STK3: variants seen among roughly 807,000 people sequenced by gnomAD.
STK3 encodes the protein serine/threonine-protein kinase 3.
STK3 carries 41 observed loss-of-function variants against 58.0 expected under a neutral mutation model. The observed-to-expected ratio is 0.71, with a 90% CI of 0.55 to 0.92. The LOEUF is 0.92. Ranked by LOEUF, STK3 falls within the 40% of genes least tolerant of loss-of-function variation. The pLI is 0.00. For synonymous variants in STK3, 170 were observed against 191.0 expected (o/e 0.89, Z 0.91); for missense variants, 479 against 602.7 (o/e 0.79, Z 2.15).
intron 1 of STK3, among the ~76,000 whole-genome samples, chr8:98,801,686 G>C (rs1358673762): frequency 6.6e-6 from 1 of 152,012 alleles, no homozygotes; most frequent in Non-Finnish European, 1.5e-5. Context: ...ACAAACTCCG[G>C]ACACACCATC....
intron 6 of STK3, among the ~76,000 whole-genome samples, chr8:98,700,661 T>G (rs533485986): frequency 1.6e-4 from 24 of 152,354 alleles, no homozygotes; most frequent in African/African-American, 5.8e-4. Flanking sequence ...CACTATTTAT[T>G]TACACATCTT....
At chr8:98,797,186 A>G (rs2131606821) in intron 1 of STK3, among the ~76,000 whole-genome samples, 1 of 152,358 alleles carries the variant, frequency 6.6e-6, no homozygotes, top group African/African-American at 2.4e-5. Flanking sequence ...AGATCTTCTG[A>G]TAACTTATTG....
At chr8:98,530,944 T>C (rs10955181) in intron 9 of STK3, among the ~76,000 whole-genome samples, 59,091 of 152,086 alleles carry the variant, frequency 0.39, 11,789 homozygotes, top group East Asian at 0.53. Flanking sequence ...ATTGCAGCAA[T>C]GCAGGCACAT....
intron 3 of STK3, among the ~76,000 whole-genome samples, chr8:98,866,370 G>T (rs997722437): frequency 2.6e-5 from 4 of 152,162 alleles, no homozygotes; most frequent in Non-Finnish European, 5.9e-5. Flanking sequence ...GCTTAATGTA[G>T]TCTAGGAGGT....
At chr8:98,855,279 A>C (rs1836626891) in intron 3 of STK3, among the ~76,000 whole-genome samples, 4 of 152,244 alleles carry the variant, frequency 2.6e-5, no homozygotes, top group African/African-American at 9.6e-5. Flanking sequence ...AACTTACTAC[A>C]AAGCAACAGT....
intron 6 of STK3, among the ~76,000 whole-genome samples, chr8:98,625,557 G>A (rs527623731): frequency 6.6e-6 from 1 of 152,036 alleles, no homozygotes; most frequent in Non-Finnish European, 1.5e-5. Flanking sequence ...CTTCCACTGA[G>A]TCTATCTCAG....
intron 1 of STK3, among the ~76,000 whole-genome samples, chr8:98,776,903 A>C (rs1366776580): frequency 6.6e-6 from 1 of 152,058 alleles, no homozygotes; most frequent in Non-Finnish European, 1.5e-5. Context: ...ACGAAAAATA[A>C]GCCAGGCATG....
chr8:98,457,415 C>G (rs150811331), intron 10 of STK3, among the ~76,000 whole-genome samples: 150 of 152,252 alleles, frequency 9.9e-4, no homozygotes, highest in African/African-American at 3.5e-3. Flanking sequence ...AAAGACATGC[C>G]CAACTATGTC....
At chr8:98,347,471 C>A in the STK3 span, among the ~76,000 whole-genome samples, 4 of 151,468 alleles carry the variant, frequency 2.6e-5, no homozygotes, top group African/African-American at 7.3e-5. Context: ...GCCAAGATTG[C>A]GCCACTGCAC....
chr8:98,588,274 G>C (rs981804954), intron 7 of STK3, among the ~76,000 whole-genome samples: 6 of 151,784 alleles, frequency 4.0e-5, no homozygotes, highest in Admixed American at 3.9e-4. Context: ...TCCTTCAGGA[G>C]CTCTTTTAGG....
chr8:98,863,084 G>A (rs1038409898), intron 3 of STK3, among the ~76,000 whole-genome samples: 26 of 152,314 alleles, frequency 1.7e-4, no homozygotes, highest in African/African-American at 6.3e-4. Context: ...TCTGGGTGGA[G>A]ACATGGTCGA....
chr8:98,743,303 C>T (rs1391073209), intron 4 of STK3, among the ~76,000 whole-genome samples: 1 of 149,576 alleles, frequency 6.7e-6, no homozygotes, highest in Non-Finnish European at 1.5e-5. Context: ...AAGAACAAAG[C>T]TGGAGGCATC....
At chr8:98,656,925 T>A (rs1271640963) in intron 6 of STK3, among the ~76,000 whole-genome samples, 3 of 152,082 alleles carry the variant, frequency 2.0e-5, no homozygotes, top group South Asian at 2.1e-4. Context: ...GAAAGGTGGA[T>A]GAAATACTGG....
chr8:98,639,110 C>CT (rs200636934), intron 6 of STK3, among the ~76,000 whole-genome samples: 8,374 of 138,500 alleles, frequency 0.06, 284 homozygotes, highest in Middle Eastern at 0.075. Flanking sequence ...AGGAGATACA[C>CT]TTTTTTTTTT....
chr8:98,723,151 T>C (rs1827558719), intron 4 of STK3, among the ~76,000 whole-genome samples: 1 of 152,166 alleles, frequency 6.6e-6, no homozygotes, highest in African/African-American at 2.4e-5. Flanking sequence ...TCACATTTTA[T>C]AGTCTGTTTT....
chr8:98,652,071 G>A (rs1276959185), intron 6 of STK3, among the ~76,000 whole-genome samples: 5 of 152,078 alleles, frequency 3.3e-5, no homozygotes, highest in Admixed American at 6.5e-5. Context: ...AATGTTAAGG[G>A]CAGCCAGAGA....
At chr8:98,930,849 C>A (rs1839979486) in intron 1 of STK3, among the ~76,000 whole-genome samples, 1 of 152,092 alleles carries the variant, frequency 6.6e-6, no homozygotes, top group South Asian at 2.1e-4. Flanking sequence ...CATGAAAATC[C>A]CCAGGGAATT....
chr8:98,697,251 CTTCT>C (rs1563901655), intron 6 of STK3, among the ~76,000 whole-genome samples: 1 of 151,782 alleles, frequency 6.6e-6, no homozygotes, highest in African/African-American at 2.4e-5. Context: ...TCTCTCTTTT[CTTCT>C]TTATTAGTCT....
chr8:98,818,790 T>C (rs1203254655), intron 1 of STK3, among the ~76,000 whole-genome samples: 2 of 152,128 alleles, frequency 1.3e-5, no homozygotes, highest in Admixed American at 6.5e-5. Context: ...GTAATCTTCA[T>C]GTCGATATTC....
Sources: gnomAD v4.1 joint callset for allele counts (sites outside exome capture counted in the v4.1 genomes callset) on GRCh38, gnomAD v4.1.1 for gene constraint, MANE v1.5 for transcripts, NCBI Gene and HGNC (gene_info 2026-07-23, HGNC 2026-07-21) for gene names.